Variants in TTC29 observed in about 807,000 individuals in gnomAD.
TTC29 encodes the protein tetratricopeptide repeat domain 29.
A neutral mutation model predicts 58.1 loss-of-function variants in TTC29; 49 were observed. That is an observed-to-expected ratio of 0.84 (90% CI 0.67 to 1.07). The LOEUF is 1.07. Ranked by LOEUF, TTC29 falls within the 50% of genes least tolerant of loss-of-function variation. TTC29 has a pLI of 0.00. For synonymous variants in TTC29, 209 were observed against 196.8 expected, an observed-to-expected ratio of 1.06 and a Z score of -0.52; for missense variants, 582 against 555.6, an observed-to-expected ratio of 1.05 and a Z score of -0.48.
chr4:146,942,811 G>A (rs1736534248), intron 2 of TTC29: 2 of 494,724 alleles, frequency 4.0e-6, no homozygotes, highest in Admixed American at 3.4e-5. Context: ...TATGCAGTGG[G>A]CACTGGGGCC....
chr4:146,939,740 T>C (rs1000156912), intron 3 of TTC29, 64 bp downstream of exon 3: 3 of 1,372,854 alleles, frequency 2.2e-6, no homozygotes, highest in Admixed American at 4.6e-5. Flanking sequence ...AGATACATTA[T>C]TGACATTTCT....
chr4:146,803,700 G>T lies in TTC29; in HGVS notation c.1102-15C>A, dbSNP rs778057540. 19 of 1,527,514 alleles carry T rather than the reference G, an allele frequency of 1.2e-5. No homozygotes were observed. The South Asian group carries it at 1.5e-4, about 12-fold the overall frequency. The allele number at this position is 1,527,514 out of a possible 1,614,324, so 94.6% of individuals were successfully genotyped here. A position where few individuals can be genotyped will look rare whatever the true frequency, so the allele number is the denominator to read the frequency against. On this transcript the variant is annotated splice_polypyrimidine_tract_variant and intron_variant, in intron 10 of 12. Coordinates refer to ENST00000325106, the MANE Select transcript of TTC29 (RefSeq NM_031956.4). ...TTGTAGTATCCCTAAAAAGGTAAGA[G>T]AAATAATTTTCTTTCTTACTTTTAA... is the stretch of plus-strand genomic sequence containing the variant.
chr4:146,797,162 T>TTGTCTGCC (rs1189104126), intron 11 of TTC29, among the ~76,000 whole-genome samples: 10 of 152,214 alleles, frequency 6.6e-5, no homozygotes, highest in African/African-American at 2.2e-4. Context: ...AGGCTGGCAG[T>TTGTCTGCC]TGTCTGCCTG....
At chr4:146,748,658 A>G (rs142939971) in intron 11 of TTC29, among the ~76,000 whole-genome samples, 1 of 152,342 alleles carries the variant, frequency 6.6e-6, no homozygotes, top group Non-Finnish European at 1.5e-5. Context: ...AAGAAGCTAC[A>G]TGGAGACTAC....
chr4:146,928,094 T>A lies in TTC29; in HGVS notation c.176+9500A>T, dbSNP rs77875454. On this transcript the variant is annotated intron_variant, in intron 4 of 12. Coordinates refer to ENST00000325106, the MANE Select transcript of TTC29 (RefSeq NM_031956.4). ...GCCATTTAAGAATGAGTAAGAATCA[T>A]GAGACAGTAAGGAGAAAAATCATTC... 3.9e-3 allele frequency among the ~76,000 whole-genome samples: 592 copies of A among 152,224 alleles called. 6 individuals are homozygous for A. Among genetic ancestry groups the A allele is most frequent in the African/African-American group, 0.013 (550 of 41,548 alleles).
chr4:146,829,586 G>A (rs1354049106), intron 9 of TTC29, among the ~76,000 whole-genome samples: 1 of 152,068 alleles, frequency 6.6e-6, no homozygotes, highest in African/African-American at 2.4e-5. Flanking sequence ...TCATTTTTAG[G>A]AAACTTCACA....
chr4:146,931,763 C>T (rs555935491), intron 4 of TTC29, among the ~76,000 whole-genome samples: 2 of 152,200 alleles, frequency 1.3e-5, no homozygotes, highest in African/African-American at 4.8e-5. Context: ...AAGATATAAA[C>T]GCCTAAGAAC....
At chr4:146,727,662 T>C (rs1261232086) in intron 11 of TTC29, among the ~76,000 whole-genome samples, 1 of 152,216 alleles carries the variant, frequency 6.6e-6, no homozygotes, top group African/African-American at 2.4e-5. Context: ...TATCTTTTCA[T>C]AGGTTGATAA....
intron 11 of TTC29, among the ~76,000 whole-genome samples, chr4:146,753,997 A>G (rs942246627): frequency 6.6e-6 from 1 of 152,138 alleles, no homozygotes; most frequent in Non-Finnish European, 1.5e-5. Flanking sequence ...TGGCACATGC[A>G]TACACATGTA....
At chr4:146,856,644 A>G (rs1159921244) in intron 8 of TTC29, among the ~76,000 whole-genome samples, 1 of 151,158 alleles carries the variant, frequency 6.6e-6, no homozygotes, top group African/African-American at 2.4e-5. Context: ...CAAGGTAAAA[A>G]AAGAAACAGA....
At chr4:146,800,300 G>A (rs1048580569) in intron 11 of TTC29, among the ~76,000 whole-genome samples, 2 of 152,116 alleles carry the variant, frequency 1.3e-5, no homozygotes, top group Non-Finnish European at 2.9e-5. Flanking sequence ...ATTCCCTTAG[G>A]GGGTCATGTT....
At chr4:146,915,415 T>C (rs1404533791) in intron 4 of TTC29, among the ~76,000 whole-genome samples, 1 of 152,074 alleles carries the variant, frequency 6.6e-6, no homozygotes, top group Non-Finnish European at 1.5e-5. Flanking sequence ...TATCATTTTG[T>C]GACTCCCCCA....
intron 8 of TTC29, among the ~76,000 whole-genome samples, chr4:146,842,483 A>G (rs1317750555): frequency 1.3e-5 from 2 of 151,524 alleles, no homozygotes; most frequent in African/African-American, 4.9e-5. Flanking sequence ...TGAGAATGAA[A>G]CCCCTACAGG....
chr4:146,779,331 CT>C (rs1156289290), intron 11 of TTC29, among the ~76,000 whole-genome samples: 15 of 152,174 alleles, frequency 9.9e-5, no homozygotes, highest in South Asian at 2.1e-4. Flanking sequence ...AATTTTCAAA[CT>C]TTTCCAAATG....
chr4:146,727,598 A>G (rs1470700299), intron 11 of TTC29, among the ~76,000 whole-genome samples: 3 of 152,214 alleles, frequency 2.0e-5, no homozygotes. Context: ...TATAATATGT[A>G]GCCTTTTCAG....
intron 4 of TTC29, among the ~76,000 whole-genome samples, chr4:146,926,714 C>T (rs6838574): frequency 0.083 from 12,703 of 152,136 alleles, 702 homozygotes; most frequent in East Asian, 0.2. Flanking sequence ...CCACCCACCT[C>T]GGCCTCCCAA....
At chr4:146,808,738 A>G (rs1750801994) in intron 10 of TTC29, among the ~76,000 whole-genome samples, 1 of 152,236 alleles carries the variant, frequency 6.6e-6, no homozygotes, top group Non-Finnish European at 1.5e-5. Flanking sequence ...ATAAGAGAGA[A>G]CACAAACAAA....
At chr4:146,720,359 C>A (rs552828353) in intron 11 of TTC29, among the ~76,000 whole-genome samples, 236 of 152,170 alleles carry the variant, frequency 1.6e-3, no homozygotes, top group Non-Finnish European at 2.8e-3. Flanking sequence ...TAAAGAAAAA[C>A]CCCCAGAAGG....
chr4:146,837,952 G>A (rs1728618741), intron 8 of TTC29, among the ~76,000 whole-genome samples: 1 of 151,958 alleles, frequency 6.6e-6, no homozygotes, highest in South Asian at 2.1e-4. Context: ...AGTTTCAATG[G>A]ACACCAAACT....
Sources: allele counts gnomAD v4.1 joint callset (sites outside exome capture counted in the v4.1 genomes callset), GRCh38; gene constraint gnomAD v4.1.1; transcripts MANE v1.5; gene names NCBI Gene and HGNC (gene_info 2026-07-23, HGNC 2026-07-21).